Variants in HPSE2 observed in about 807,000 individuals in gnomAD.
The protein encoded by HPSE2 is inactive heparanase-2.
Under a neutral mutation model 60.5 loss-of-function variants are expected in HPSE2, and 38 were observed. The ratio of observed to expected loss-of-function variants is 0.63; its 90% CI spans 0.48 to 0.82. The LOEUF is 0.82. Among genes scored for constraint, HPSE2 ranks in the 40% least tolerant of loss-of-function variants. The probability of loss-of-function intolerance (pLI) is 0.00; values close to 1 mark genes in which losing one functional copy is unlikely to be tolerated. For synonymous variants in HPSE2, 295 were observed against 293.2 expected, an observed-to-expected ratio of 1.01 and a Z score of -0.06; for missense variants, 713 against 740.4, an observed-to-expected ratio of 0.96 and a Z score of 0.43.
intron 9 of HPSE2, among the ~76,000 whole-genome samples, chr10:98,572,026 C>G (rs939511244): frequency 4.6e-5 from 7 of 151,268 alleles, no homozygotes; most frequent in Non-Finnish European, 1.0e-4. Context: ...GCAACCTCCC[C>G]GCCTCCTGGG....
chr10:98,974,933 A>G (rs965836467), intron 3 of HPSE2, among the ~76,000 whole-genome samples: 4 of 152,204 alleles, frequency 2.6e-5, no homozygotes, highest in African/African-American at 9.7e-5. Flanking sequence ...TAATGCTATT[A>G]CTTTTATTAT....
At chr10:98,798,468 TTAAG>T (rs1251077362) in intron 3 of HPSE2, among the ~76,000 whole-genome samples, 1 of 152,178 alleles carries the variant, frequency 6.6e-6, no homozygotes, top group African/African-American at 2.4e-5. Flanking sequence ...TAAACTATTC[TTAAG>T]TAGGAAGAAG....
At chr10:98,926,404 G>T (rs561446747) in intron 3 of HPSE2, among the ~76,000 whole-genome samples, 1 of 152,182 alleles carries the variant, frequency 6.6e-6, no homozygotes, top group East Asian at 1.9e-4. Context: ...GAAGGTAATG[G>T]TACAATACAG....
chr10:98,984,712 C>A (rs111421195), intron 3 of HPSE2, among the ~76,000 whole-genome samples: 6 of 152,204 alleles, frequency 3.9e-5, no homozygotes, highest in African/African-American at 1.2e-4. Context: ...GGAGGAAGTT[C>A]GAACCCATGG....
intron 9 of HPSE2, among the ~76,000 whole-genome samples, chr10:98,606,942 T>C (rs2133957321): frequency 6.6e-6 from 1 of 152,332 alleles, no homozygotes; most frequent in Non-Finnish European, 1.5e-5. Flanking sequence ...CAATATAGTC[T>C]TTAAGATGAA....
At chr10:99,129,190 G>A (rs1003834476) in intron 3 of HPSE2, among the ~76,000 whole-genome samples, 1 of 151,922 alleles carries the variant, frequency 6.6e-6, no homozygotes, top group Non-Finnish European at 1.5e-5. Flanking sequence ...TAATGGTGGG[G>A]GACTTCAATA....
In HPSE2 at chr10:98,988,988, A is replaced by C. The variant is rs1348921263; in HGVS notation, c.610+155250T>G. ...TTAGAATGGCAATCATTAAAAAGTC[A>C]GGAAACAACAGGTGCTGGAGAGGAT... On this transcript the variant is annotated intron_variant, in intron 3 of 11. Transcript: ENST00000370552. 3.6e-3 allele frequency among the ~76,000 whole-genome samples: 539 copies of C among 149,006 alleles called. 4 individuals carry two copies. The highest frequency in any genetic ancestry group is 0.013 in the African/African-American group (511 of 40,286).
At chr10:98,876,778 T>C (rs1952888445) in intron 3 of HPSE2, among the ~76,000 whole-genome samples, 1 of 151,904 alleles carries the variant, frequency 6.6e-6, no homozygotes, top group Non-Finnish European at 1.5e-5. Flanking sequence ...AAATATTACT[T>C]GCAGAATTGT....
intron 3 of HPSE2, among the ~76,000 whole-genome samples, chr10:98,953,675 C>T (rs1210507752): frequency 1.3e-5 from 2 of 152,018 alleles, no homozygotes; most frequent in Non-Finnish European, 2.9e-5. Context: ...TGCTACGTGG[C>T]AACTAGAGAG....
At chr10:98,606,342 C>T (rs185543686) in intron 9 of HPSE2, among the ~76,000 whole-genome samples, 46 of 152,310 alleles carry the variant, frequency 3.0e-4, no homozygotes, top group Admixed American at 2.9e-3. Flanking sequence ...TCTGGCTTCA[C>T]GTTGAATCAC....
chr10:98,533,080 G>C (rs1446109684), intron 9 of HPSE2, among the ~76,000 whole-genome samples: 2 of 152,174 alleles, frequency 1.3e-5, no homozygotes, highest in Non-Finnish European at 2.9e-5. Flanking sequence ...TGATCTCTAA[G>C]ATCCCTTCTA....
intron 3 of HPSE2, among the ~76,000 whole-genome samples, chr10:99,114,946 CT>C (rs1564818614): frequency 1.3e-5 from 2 of 151,100 alleles, no homozygotes; most frequent in East Asian, 3.9e-4. Flanking sequence ...AACATGACCA[CT>C]TTAAAAATAT....
At chr10:99,094,780 C>T (rs560219073) in intron 3 of HPSE2, among the ~76,000 whole-genome samples, 1 of 151,550 alleles carries the variant, frequency 6.6e-6, no homozygotes, top group East Asian at 2.0e-4. Flanking sequence ...TAGTCTCAAA[C>T]TACTAACCTC....
intron 11 of HPSE2, among the ~76,000 whole-genome samples, chr10:98,473,220 C>T (rs534631233): frequency 1.3e-5 from 2 of 152,114 alleles, no homozygotes; most frequent in East Asian, 3.9e-4. Context: ...CGCGGTGGCT[C>T]ATGTCTATAG....
At position 98,738,349 on chromosome 10, in the gene HPSE2, G is replaced by A. The variant is rs527701798; in HGVS notation, c.784+5534C>T. Among the ~76,000 whole-genome samples, 38 of 152,262 alleles carry A rather than the reference G, an allele frequency of 2.5e-4. 1 individual carries two copies. The highest frequency in any genetic ancestry group is 8.4e-4 in the African/African-American group (35 of 41,556). ...CTCAAGATGGATTAAAGAGTTAAAC[G>A]TAAGACCTAAAGCCATAAAAACCCT... On this transcript the variant is annotated intron_variant, in intron 4 of 11. Transcript: ENST00000370552.
intron 2 of HPSE2, among the ~76,000 whole-genome samples, chr10:99,184,501 G>C (rs1847895257): frequency 9.2e-6 from 1 of 109,008 alleles, no homozygotes; most frequent in Non-Finnish European, 1.7e-5. Flanking sequence ...CTCCAGCCTG[G>C]GCAACAGAGC....
At chr10:98,606,247 A>C (rs538198965) in intron 9 of HPSE2, among the ~76,000 whole-genome samples, 1 of 152,368 alleles carries the variant, frequency 6.6e-6, no homozygotes, top group African/African-American at 2.4e-5. Flanking sequence ...AAATTGAAGC[A>C]AGAGTTGAGT....
chr10:99,037,812 T>G (rs1486544613), intron 3 of HPSE2, among the ~76,000 whole-genome samples: 1 of 151,940 alleles, frequency 6.6e-6, no homozygotes, highest in Admixed American at 6.6e-5. Flanking sequence ...TTATAAAATA[T>G]AAAGCCAAAT....
chr10:99,020,412 T>C (rs981382058), intron 3 of HPSE2, among the ~76,000 whole-genome samples: 4 of 152,294 alleles, frequency 2.6e-5, no homozygotes, highest in Non-Finnish European at 5.9e-5. Flanking sequence ...AAGTCTGTTA[T>C]GGAATACTGG....
Sources: allele counts gnomAD v4.1 joint callset (sites outside exome capture counted in the v4.1 genomes callset), GRCh38; gene constraint gnomAD v4.1.1; transcripts MANE v1.5; gene names NCBI Gene and HGNC (gene_info 2026-07-23, HGNC 2026-07-21).